Variants in RMDN3 observed in about 807,000 individuals in gnomAD.
RMDN3 encodes the protein regulator of microtubule dynamics 3.
RMDN3 carries 41 observed loss-of-function variants against 61.8 expected under a neutral mutation model. That is an observed-to-expected ratio of 0.66 (90% CI 0.52 to 0.86). The LOEUF (loss-of-function observed/expected upper bound fraction) is 0.86, where lower values mean the gene tolerates loss of function less well. Among genes scored for constraint, RMDN3 ranks in the 40% least tolerant of loss-of-function variants. The pLI, the probability that RMDN3 is intolerant of heterozygous loss-of-function variation, is 0.00. For synonymous variants in RMDN3, 247 were observed against 232.0 expected (o/e 1.06, Z -0.59); for missense variants, 557 against 585.3 (o/e 0.95, Z 0.50).
At position 40,736,315 on chromosome 15, in the gene RMDN3, C is replaced by CTCAAGGGAGAGAACA. The variant is rs1411741277; in HGVS notation, c.*211_*225dup. The CTCAAGGGAGAGAACA allele has an allele frequency of 2.0e-6, 1 of 496,986 alleles. No individual in the cohort carries two copies. The highest frequency in any genetic ancestry group is 3.3e-5 in the East Asian group (1 of 30,350). 30.8% of individuals were successfully genotyped at this position (496,986 alleles called of 1,614,324 possible). On this transcript the variant is annotated 3_prime_UTR_variant, in exon 13 of 13. Transcript: ENST00000338376. ...GAATCTTGATTTTTTTAAGAGATTACTCAAGGGAGAGAACAACAGAAACGG... is the reference window on the plus strand; with the variant it reads ...GAATCTTGATTTTTTTAAGAGATTACTCAAGGGAGAGAACATCAAGGGAGAGAACAACAGAAACGG...
intron 4 of RMDN3, among the ~76,000 whole-genome samples, chr15:40,748,164 G>T (rs983731749): frequency 3.9e-5 from 6 of 152,172 alleles, no homozygotes; most frequent in African/African-American, 1.4e-4. Context: ...AAGAAGGAAG[G>T]AATACAGCTT....
At position 40,737,182 on chromosome 15, in the gene RMDN3, T is replaced by A. The variant is rs1274699643; in HGVS notation, c.1301A>T (p.Asn434Ile). The change falls in exon 12 of 13, where the codon AAC (asparagine) becomes ATC (isoleucine). Residue 434 changes from asparagine to isoleucine, a missense_variant. By Grantham distance (149) the Asn-to-Ile change is moderately radical. Coordinates refer to ENST00000338376, the MANE Select transcript of RMDN3 (RefSeq NM_018145.3). ...ISKCYRELGK[N>I]SEARWWMKLA... ...CTTCATCCACCATCTAGCTTCAGAG[T>A]TTTTCCCTAGTTCTCTGTAGCACTG... 2 of 1,613,928 alleles carry A rather than the reference T, an allele frequency of 1.2e-6. No homozygotes were observed. Among genetic ancestry groups the A allele is most frequent in the African/African-American group, 2.7e-5 (2 of 74,876 alleles).
Position 40,736,535 on chromosome 15 carries a change from A to ACGTGGTTAGTCTCGTAAAATGACTTCC in RMDN3, c.1392_*5dup. ...GCATCAAGTCATGAAGGCCAGTGAA[A>ACGTGGTTAGTCTCGTAAAATGACTTCC]CGTGGTTAGTCTCGTAAAATGACTT... On this transcript the variant is annotated 3_prime_UTR_variant, in exon 13 of 13. Coordinates refer to ENST00000338376, the MANE Select transcript of RMDN3 (RefSeq NM_018145.3). 1 of 1,613,856 alleles carries ACGTGGTTAGTCTCGTAAAATGACTTCC rather than the reference A, an allele frequency of 6.2e-7. No homozygotes were observed. Among genetic ancestry groups the ACGTGGTTAGTCTCGTAAAATGACTTCC allele is most frequent in the Non-Finnish European group, 8.5e-7 (1 of 1,179,792 alleles).
Position 40,738,363 on chromosome 15 carries a change from T to C in RMDN3, c.1047+138A>G, listed in dbSNP as rs764399490. On this transcript the variant is annotated intron_variant, in intron 8 of 12. Coordinates refer to ENST00000338376, the MANE Select transcript of RMDN3 (RefSeq NM_018145.3). ...CACCACTGCACTCCAGCTTGGGCGA[T>C]AGAGTGAGACTCTGTCTCAAAAAAA... 84 of 792,462 alleles carry C rather than the reference T, an allele frequency of 1.1e-4. 1 individual carries two copies. Among genetic ancestry groups the C allele is most frequent in the East Asian group, 9.7e-4 (36 of 37,184 alleles). 49.1% of individuals were successfully genotyped at this position (792,462 alleles called of 1,614,324 possible).
chr15:40,745,314 G>C (rs1897483998), intron 4 of RMDN3, 55 bp from the exon 5 acceptor site: 5 of 1,566,550 alleles, frequency 3.2e-6, no homozygotes. Context: ...GAGCCCCTAG[G>C]GTCTGTCTAT....
At chr15:40,737,541 AC>A (rs1897105043) in intron 10 of RMDN3, 86 bp downstream of exon 10, 2 of 1,299,684 alleles carry the variant, frequency 1.5e-6, no homozygotes, top group Non-Finnish European at 2.2e-6. Context: ...GACTAGGAAA[AC>A]CCCTCCCATT....
chr15:40,740,752 C>T (rs370976940), intron 6 of RMDN3, among the ~76,000 whole-genome samples: 18 of 152,052 alleles, frequency 1.2e-4, no homozygotes, highest in African/African-American at 4.1e-4. Flanking sequence ...TTTTATAATG[C>T]CCACCTGATG....
At chr15:40,742,174 T>TG (rs1209969292) in intron 6 of RMDN3, among the ~76,000 whole-genome samples, 2 of 148,358 alleles carry the variant, frequency 1.3e-5, no homozygotes, top group African/African-American at 5.0e-5. Flanking sequence ...TTTTTAAGTT[T>TG]TTTTTTTTTT....
chr15:40,751,336 C>T, intron 4 of RMDN3, 90 bp downstream of exon 4: 1 of 1,496,068 alleles, frequency 6.7e-7, no homozygotes, highest in Non-Finnish European at 9.1e-7. Context: ...AAATCATTTG[C>T]AGCAGCTTGG....
chr15:40,736,489 G>A lies in RMDN3; in HGVS notation c.*52C>T, dbSNP rs1055467530. On this transcript the variant is annotated 3_prime_UTR_variant, in exon 13 of 13. Transcript: ENST00000338376. The stretch of plus-strand genomic sequence containing the variant: ...AAGGTCTAAGGAAAAAAGCCTCCCC[G>A]CCCCCCCACCTTAAATAGTGGCATC... The A allele has an allele frequency of 9.7e-6, 15 of 1,548,352 alleles. No homozygotes were observed. Among genetic ancestry groups the A allele is most frequent in the East Asian group, 4.5e-5 (2 of 44,530 alleles).
In RMDN3 at chr15:40,751,530, T is replaced by G. The variant is rs749603576; in HGVS notation, c.420A>C (p.Arg140=). 1 of 1,613,896 alleles carries G rather than the reference T, an allele frequency of 6.2e-7. No homozygotes were observed. Among genetic ancestry groups the G allele is most frequent in the Non-Finnish European group, 8.5e-7 (1 of 1,180,020 alleles). The part of the protein sequence containing the change: ...MEENQRVARR[R]RFPFVRERSD... ...TCCTCTCCCGGACAAACGGAAACCT[T>G]CGCCGCCGAGCCACTCTCTGGTTCT... Residue 140 remains arginine (R), a synonymous_variant, in exon 4 of 13, where the codon CGA becomes CGC. Coordinates refer to ENST00000338376, the MANE Select transcript of RMDN3 (RefSeq NM_018145.3).
At chr15:40,754,386 G>A (rs1897950919) in intron 2 of RMDN3, among the ~76,000 whole-genome samples, 1 of 152,070 alleles carries the variant, frequency 6.6e-6, no homozygotes, top group Non-Finnish European at 1.5e-5. Context: ...GACCTCAGGT[G>A]ATCCGCCCGC....
chr15:40,736,615 TCTAGGGCTCAAAA>T (rs1203797335), intron 12 of RMDN3, 21 bp from the exon 13 acceptor site: 1 of 1,611,228 alleles, frequency 6.2e-7, no homozygotes, highest in Non-Finnish European at 8.5e-7. Context: ...AAAGAACAAA[TCTAGGGCTCAAAA>T]TTTAAACCAG....
rs1897043596 is a variant in RMDN3, at chr15:40,736,367, G to A, written c.*174C>T. ...AGCCATGAGTACTGCCCCAATTCTAGATTAGGTTAGAGGTTAGAATAAATT... is the reference window on the plus strand; with the variant it reads ...AGCCATGAGTACTGCCCCAATTCTAAATTAGGTTAGAGGTTAGAATAAATT... On this transcript the variant is annotated 3_prime_UTR_variant, in exon 13 of 13. Coordinates refer to ENST00000338376, the MANE Select transcript of RMDN3 (RefSeq NM_018145.3). 3.4e-6 allele frequency: 2 copies of A among 596,044 alleles called. No individual in the cohort carries two copies. Among genetic ancestry groups the A allele is most frequent in the Admixed American group, 6.3e-5 (2 of 31,646 alleles). 36.9% of individuals were successfully genotyped at this position (596,044 alleles called of 1,614,324 possible).
chr15:40,754,826 G>T, intron 1 of RMDN3, 36 bp from the exon 2 acceptor site: 2 of 1,318,894 alleles, frequency 1.5e-6, no homozygotes, highest in Non-Finnish European at 2.0e-6. Flanking sequence ...GCAGGCAGGC[G>T]GGCGGGCGGG....
At position 40,736,450 on chromosome 15, in the gene RMDN3, TTCCTGATCTCAGCA is replaced by T; in HGVS notation, c.*77_*90del. On this transcript the variant is annotated 3_prime_UTR_variant, in exon 13 of 13. Coordinates refer to ENST00000338376, the MANE Select transcript of RMDN3 (RefSeq NM_018145.3). The stretch of plus-strand genomic sequence containing the variant: ...GACCCAGGAGACAGATTTGTGTGGT[TTCCTGATCTCAGCA>T]AGGTCTAAGGAAAAAAGCCTCCCCG... The T allele has an allele frequency of 8.6e-7, 1 of 1,159,420 alleles. No individual in the cohort carries two copies. The highest frequency in any genetic ancestry group is 1.5e-5 in the African/African-American group (1 of 65,380). 71.8% of individuals were successfully genotyped at this position (1,159,420 alleles called of 1,614,324 possible). A position where few individuals can be genotyped will look rare whatever the true frequency, so the allele number is the denominator to read the frequency against.
chr15:40,744,031 A>G lies in RMDN3; in HGVS notation c.910+16T>C. ...ATCAGTCAGTCACCTTCCCACAGGA[A>G]GCTGTCAGCACTTACCATCTAGGGC... is the stretch of plus-strand genomic sequence containing the variant. On this transcript the variant is annotated intron_variant, in intron 6 of 12. Coordinates refer to ENST00000338376, the MANE Select transcript of RMDN3 (RefSeq NM_018145.3). The G allele has an allele frequency of 1.3e-6, 2 of 1,596,894 alleles. No homozygotes were observed. Among genetic ancestry groups the G allele is most frequent in the African/African-American group, 1.3e-5 (1 of 74,468 alleles).
At chr15:40,736,620 G>A (rs202196709) in intron 12 of RMDN3, 26 bp from the exon 13 acceptor site, 36 of 1,610,328 alleles carry the variant, frequency 2.2e-5, no homozygotes, top group Non-Finnish European at 1.7e-6. Context: ...ACAAATCTAG[G>A]GCTCAAAATT....
chr15:40,743,997 C>T lies in RMDN3; in HGVS notation c.910+50G>A, dbSNP rs149870039. On this transcript the variant is annotated intron_variant, in intron 6 of 12. Transcript: ENST00000338376. ...GGTCCCCAGGCAGATGGGCCAGCCC[C>T]ACCCCTGAATCAGTCAGTCACCTTC... is the stretch of plus-strand genomic sequence containing the variant. 229 of 1,512,600 alleles carry T rather than the reference C, an allele frequency of 1.5e-4. No homozygotes were observed. The East Asian group carries it at 1.9e-3, about 12-fold the overall frequency. 93.7% of individuals were successfully genotyped at this position (1,512,600 alleles called of 1,614,324 possible). A position where few individuals can be genotyped will look rare whatever the true frequency, so the allele number is the denominator to read the frequency against.
Sources: gnomAD v4.1 joint callset for allele counts (sites outside exome capture counted in the v4.1 genomes callset) on GRCh38, gnomAD v4.1.1 for gene constraint, MANE v1.5 for transcripts, NCBI Gene and HGNC (gene_info 2026-07-23, HGNC 2026-07-21) for gene names.